Variants in RPS6KA5 observed in about 807,000 individuals in gnomAD.
RPS6KA5 encodes the protein ribosomal protein S6 kinase alpha-5.
In RPS6KA5, 27 loss-of-function variants were observed where a neutral mutation model predicts 85.5. The ratio of observed to expected loss-of-function variants is 0.32; its 90% CI spans 0.23 to 0.44. RPS6KA5 has a LOEUF of 0.44. Ranked by LOEUF, RPS6KA5 falls within the 20% of genes least tolerant of loss-of-function variation. The probability of loss-of-function intolerance (pLI) is 1.00; values close to 1 mark genes in which losing one functional copy is unlikely to be tolerated. For missense variants in RPS6KA5, 811 were observed against 980.9 expected, an observed-to-expected ratio of 0.83 and a Z score of 2.31; for synonymous variants, 334 against 348.2, an observed-to-expected ratio of 0.96 and a Z score of 0.46.
chr14:90,904,896 A>C (rs2035418984), intron 8 of RPS6KA5, among the ~76,000 whole-genome samples: 1 of 152,200 alleles, frequency 6.6e-6, no homozygotes, highest in Admixed American at 6.5e-5. Context: ...GGAGCAATGG[A>C]GAAAAAGATC....
intron 1 of RPS6KA5, among the ~76,000 whole-genome samples, chr14:91,012,588 T>C (rs1357134778): frequency 6.6e-6 from 1 of 152,204 alleles, no homozygotes; most frequent in Non-Finnish European, 1.5e-5. Context: ...AAGCCTCCCC[T>C]GTCTGCCCAG....
chr14:90,887,705 C>T (rs1478034368), intron 14 of RPS6KA5, among the ~76,000 whole-genome samples: 2 of 151,030 alleles, frequency 1.3e-5, no homozygotes, highest in East Asian at 3.9e-4. Flanking sequence ...GCCTGTAATC[C>T]CAGCATTTTG....
At chr14:90,974,965 G>C (rs1383972283) in intron 3 of RPS6KA5, among the ~76,000 whole-genome samples, 1 of 152,120 alleles carries the variant, frequency 6.6e-6, no homozygotes, top group Non-Finnish European at 1.5e-5. Flanking sequence ...GGAAAGATCT[G>C]CTTACAAATC....
intron 1 of RPS6KA5, among the ~76,000 whole-genome samples, chr14:91,054,818 A>C (rs936072710): frequency 1.3e-5 from 2 of 151,964 alleles, no homozygotes; most frequent in African/African-American, 4.8e-5. Context: ...TTTTTAATTA[A>C]AGACTTTTGT....
At chr14:90,901,033 T>G (rs946431937) in intron 9 of RPS6KA5, among the ~76,000 whole-genome samples, 1 of 152,224 alleles carries the variant, frequency 6.6e-6, no homozygotes, top group African/African-American at 2.4e-5. Flanking sequence ...GAAATTCTCC[T>G]GGTTTGCTGA....
chr14:91,028,086 A>G (rs1415565232), intron 1 of RPS6KA5, among the ~76,000 whole-genome samples: 1 of 152,236 alleles, frequency 6.6e-6, no homozygotes, highest in African/African-American at 2.4e-5. Context: ...AAATAAATGT[A>G]ATATTTTATT....
At chr14:90,925,157 A>G (rs2036590390) in intron 5 of RPS6KA5, among the ~76,000 whole-genome samples, 1 of 152,180 alleles carries the variant, frequency 6.6e-6, no homozygotes, top group Non-Finnish European at 1.5e-5. Context: ...AGAAAACCAG[A>G]GAGGTAGGCA....
chr14:90,943,633 C>G (rs73324687), intron 4 of RPS6KA5, among the ~76,000 whole-genome samples: 1 of 152,312 alleles, frequency 6.6e-6, no homozygotes, highest in African/African-American at 2.4e-5. Flanking sequence ...ATTGTACTTA[C>G]CTATACATGA....
Position 91,000,142 on chromosome 14 carries a change from A to G in RPS6KA5, c.175+946T>C, listed in dbSNP as rs569699842. Among the ~76,000 whole-genome samples, 3 of 152,260 alleles carry G rather than the reference A, an allele frequency of 2.0e-5. No individual in the cohort carries two copies. The South Asian group carries it at 6.2e-4, about 32-fold the overall frequency. On this transcript the variant is annotated intron_variant, in intron 2 of 16. Transcript: ENST00000614987. ...TTTCTGCATACAAATATACACGCAGATATTTTCCATATCCATATACACATG... is the reference window on the plus strand; with the variant it reads ...TTTCTGCATACAAATATACACGCAGGTATTTTCCATATCCATATACACATG...
intron 1 of RPS6KA5, among the ~76,000 whole-genome samples, chr14:91,017,908 T>C (rs1253093750): frequency 1.3e-5 from 2 of 152,174 alleles, no homozygotes; most frequent in East Asian, 3.8e-4. Flanking sequence ...AGGAGGGAGT[T>C]ACAGTGTTGG....
chr14:90,983,889 G>A (rs2039942817), intron 2 of RPS6KA5, among the ~76,000 whole-genome samples: 1 of 144,766 alleles, frequency 6.9e-6, no homozygotes, highest in Non-Finnish European at 1.5e-5. Context: ...CTGTCGCCCA[G>A]ACCGGAGTGC....
intron 3 of RPS6KA5, among the ~76,000 whole-genome samples, chr14:90,954,310 G>GT (rs2038388469): frequency 6.6e-6 from 1 of 152,254 alleles, no homozygotes; most frequent in African/African-American, 2.4e-5. Context: ...TTTTGGAAGA[G>GT]TTTGTGAAGA....
At chr14:90,996,122 C>T (rs2040508438) in intron 2 of RPS6KA5, among the ~76,000 whole-genome samples, 1 of 152,116 alleles carries the variant, frequency 6.6e-6, no homozygotes, top group African/African-American at 2.4e-5. Context: ...AGAGATATTC[C>T]TACCTCAGCA....
At chr14:91,018,655 T>G (rs551568214) in intron 1 of RPS6KA5, among the ~76,000 whole-genome samples, 57 of 152,314 alleles carry the variant, frequency 3.7e-4, no homozygotes, top group African/African-American at 1.3e-3. Context: ...CTCTTGGACT[T>G]ACACCAGTGG....
rs1457485287 is a variant in RPS6KA5, at chr14:90,861,244, C to G, written c.*10830G>C. ...TACTACTAATAAAAATAATGTCGGC[C>G]GGGCGCGGTGGCTCACGCCTGTAAT... On this transcript the variant is annotated 3_prime_UTR_variant, in exon 17 of 17. Coordinates refer to ENST00000614987, the MANE Select transcript of RPS6KA5 (RefSeq NM_004755.4). The G allele has an allele frequency of 6.7e-6, 1 of 149,584 alleles. No individual in the cohort carries two copies. Among genetic ancestry groups the G allele is most frequent in the Non-Finnish European group, 1.5e-5 (1 of 67,518 alleles). 9.3% of individuals were successfully genotyped at this position (149,584 alleles called of 1,614,324 possible).
chr14:90,956,005 T>C (rs1245979539), intron 3 of RPS6KA5, among the ~76,000 whole-genome samples: 4 of 152,158 alleles, frequency 2.6e-5, no homozygotes, highest in African/African-American at 9.7e-5. Flanking sequence ...AATACAACCA[T>C]AGAAAATAAT....
At chr14:91,051,039 C>A (rs983765305) in intron 1 of RPS6KA5, among the ~76,000 whole-genome samples, 1 of 151,064 alleles carries the variant, frequency 6.6e-6, no homozygotes, top group Non-Finnish European at 1.5e-5. Context: ...ACCAGCCTGG[C>A]CAACATAGCG....
chr14:90,978,436 G>A lies in RPS6KA5; in HGVS notation c.264C>T (p.Ile88=), dbSNP rs1372780620. The A allele has an allele frequency of 2.4e-5, 39 of 1,613,672 alleles. No homozygotes were observed. The highest frequency in any genetic ancestry group is 3.3e-5 in the Admixed American group (2 of 59,964). The change falls in exon 3 of 17, where the codon ATC becomes ATT. Residue 88 remains isoleucine, a synonymous_variant. Transcript: ENST00000614987. ...YAMKVLKKAT[I]VQKAKTTEHT... ...GCTCTGTGGTTTTGGCCTTTTGAACGATTGTTGCCTTTTTCAAAACTTTCA... is the reference window on the plus strand; with the variant it reads ...GCTCTGTGGTTTTGGCCTTTTGAACAATTGTTGCCTTTTTCAAAACTTTCA...
intron 1 of RPS6KA5, among the ~76,000 whole-genome samples, chr14:91,025,811 T>A (rs1349701486): frequency 7.0e-6 from 1 of 143,604 alleles, no homozygotes. Flanking sequence ...CTTTTTCTCT[T>A]AAAAAAAAAA....
Sources: allele counts gnomAD v4.1 joint callset (sites outside exome capture counted in the v4.1 genomes callset), GRCh38; gene constraint gnomAD v4.1.1; transcripts MANE v1.5; gene names NCBI Gene and HGNC (gene_info 2026-07-23, HGNC 2026-07-21).